The following GALNTL6 variants were observed in gnomAD, a reference collection of about 807,000 sequenced individuals.
GALNTL6 encodes the protein polypeptide N-acetylgalactosaminyltransferase like 6, also known as polypeptide N-acetylgalactosaminyltransferase-like 6.
Under a neutral mutation model 73.7 loss-of-function variants are expected in GALNTL6, and 46 were observed. The ratio of observed to expected loss-of-function variants is 0.62; its 90% CI spans 0.49 to 0.80. The LOEUF (loss-of-function observed/expected upper bound fraction) is 0.80, where lower values mean the gene tolerates loss of function less well. GALNTL6 is among the 30% of genes least tolerant of loss of function. The pLI is 0.00. For missense variants in GALNTL6, 604 were observed against 755.0 expected (o/e 0.80, Z 2.34); for synonymous variants, 259 against 263.7 (o/e 0.98, Z 0.17).
chr4:172,111,650 T>C (rs1418485976), intron 2 of GALNTL6, among the ~76,000 whole-genome samples: 1 of 152,100 alleles, frequency 6.6e-6, no homozygotes, highest in South Asian at 2.1e-4. Context: ...GAAATTGCAT[T>C]TTTACAACTA....
At chr4:171,964,174 C>CTTCT (rs1553976162) in intron 2 of GALNTL6, among the ~76,000 whole-genome samples, 1 of 148,156 alleles carries the variant, frequency 6.7e-6, no homozygotes, top group Non-Finnish European at 1.5e-5. Flanking sequence ...GTAAGCAATA[C>CTTCT]TTTTTTTTTT....
At chr4:171,974,000 TTTTA>T (rs1228218861) in intron 2 of GALNTL6, among the ~76,000 whole-genome samples, 3 of 152,036 alleles carry the variant, frequency 2.0e-5, no homozygotes, top group East Asian at 1.9e-4. Context: ...GTTTGTTTTA[TTTTA>T]TTTATTTATT....
At chr4:172,108,656 C>T (rs531450910) in intron 2 of GALNTL6, among the ~76,000 whole-genome samples, 4 of 152,104 alleles carry the variant, frequency 2.6e-5, no homozygotes, top group Admixed American at 6.5e-5. Context: ...CCTTGTGGTT[C>T]GATCAAGTTG....
intron 12 of GALNTL6, among the ~76,000 whole-genome samples, chr4:173,033,674 A>G (rs1266555425): frequency 6.6e-6 from 1 of 152,182 alleles, no homozygotes; most frequent in Non-Finnish European, 1.5e-5. Flanking sequence ...AATCACTGAC[A>G]AACTAAGTGA....
intron 5 of GALNTL6, among the ~76,000 whole-genome samples, chr4:172,770,265 C>CAATA (rs146415769): frequency 0.47 from 66,562 of 141,046 alleles, 16,330 homozygotes; most frequent in African/African-American, 0.58. Context: ...GACTCCATCT[C>CAATA]AATAAATAAA....
intron 4 of GALNTL6, among the ~76,000 whole-genome samples, chr4:172,314,631 A>G (rs559246985): frequency 1.8e-4 from 18 of 102,630 alleles, no homozygotes; most frequent in Non-Finnish European, 2.8e-4. Flanking sequence ...TTTTTGAGGC[A>G]GAGTCTCCCT....
intron 4 of GALNTL6, among the ~76,000 whole-genome samples, chr4:172,315,222 T>A (rs1280063097): frequency 6.6e-6 from 1 of 152,148 alleles, no homozygotes. Context: ...AAATTTTTAA[T>A]CTTTTTTTAT....
At chr4:172,930,790 A>T (rs773646507) in intron 8 of GALNTL6, among the ~76,000 whole-genome samples, 1 of 152,052 alleles carries the variant, frequency 6.6e-6, no homozygotes, top group Non-Finnish European at 1.5e-5. Context: ...TCAGCCTCCC[A>T]AGTAGCTGGG....
chr4:171,895,391 A>T (rs1414116921), intron 2 of GALNTL6, among the ~76,000 whole-genome samples: 1 of 152,130 alleles, frequency 6.6e-6, no homozygotes, highest in African/African-American at 2.4e-5. Context: ...GAGTAGGGGG[A>T]GGGGAGTATC....
At chr4:172,875,183 G>A (rs1252505542) in intron 7 of GALNTL6, among the ~76,000 whole-genome samples, 2 of 152,178 alleles carry the variant, frequency 1.3e-5, no homozygotes, top group African/African-American at 4.8e-5. Flanking sequence ...TTGTCATCTG[G>A]CTATTAATGT....
chr4:172,879,703 T>G (rs1220388557), intron 7 of GALNTL6, among the ~76,000 whole-genome samples: 2 of 151,782 alleles, frequency 1.3e-5, no homozygotes, highest in African/African-American at 4.8e-5. Flanking sequence ...GTTTCCACCT[T>G]AAATAACCAG....
At chr4:172,081,190 A>G (rs545049066) in intron 2 of GALNTL6, among the ~76,000 whole-genome samples, 36 of 152,384 alleles carry the variant, frequency 2.4e-4, no homozygotes, top group African/African-American at 7.5e-4. Flanking sequence ...AGGGCATATA[A>G]TGGAGAGTGA....
At chr4:171,894,481 C>T (rs749972221) in intron 2 of GALNTL6, among the ~76,000 whole-genome samples, 13 of 152,076 alleles carry the variant, frequency 8.5e-5, no homozygotes, top group Non-Finnish European at 1.6e-4. Flanking sequence ...ATTCTTTTTA[C>T]AATATAATTA....
intron 5 of GALNTL6, among the ~76,000 whole-genome samples, chr4:172,739,432 C>G (rs1230772766): frequency 1.3e-5 from 2 of 152,082 alleles, no homozygotes; most frequent in Non-Finnish European, 2.9e-5. Context: ...AAAGCTGATA[C>G]CGAGTAGTAA....
intron 2 of GALNTL6, among the ~76,000 whole-genome samples, chr4:171,887,445 A>G (rs1238137055): frequency 6.6e-6 from 1 of 152,240 alleles, no homozygotes; most frequent in African/African-American, 2.4e-5. Flanking sequence ...AGAGAAGTAT[A>G]GAATAAAAAG....
chr4:172,270,626 T>C (rs1738611250), intron 3 of GALNTL6, among the ~76,000 whole-genome samples: 1 of 152,050 alleles, frequency 6.6e-6, no homozygotes, highest in Non-Finnish European at 1.5e-5. Context: ...GCTGTGGGAA[T>C]AGGAGAAGGT....
chr4:172,962,449 C>T (rs905589942), intron 10 of GALNTL6, among the ~76,000 whole-genome samples: 2 of 152,118 alleles, frequency 1.3e-5, no homozygotes, highest in Non-Finnish European at 1.5e-5. Context: ...GGATCCAATC[C>T]AGTATCTGAA....
At chr4:172,395,301 G>A (rs1743810447) in intron 5 of GALNTL6, among the ~76,000 whole-genome samples, 1 of 152,050 alleles carries the variant, frequency 6.6e-6, no homozygotes, top group African/African-American at 2.4e-5. Flanking sequence ...TGTATTTATG[G>A]ACATTTACAA....
At chr4:172,517,940 G>C (rs1734659722) in intron 5 of GALNTL6, among the ~76,000 whole-genome samples, 1 of 151,910 alleles carries the variant, frequency 6.6e-6, no homozygotes, top group Non-Finnish European at 1.5e-5. Context: ...AGCAAGTTCT[G>C]GTTGATTCTT....
Sources: allele counts gnomAD v4.1 joint callset (sites outside exome capture counted in the v4.1 genomes callset), GRCh38; gene constraint gnomAD v4.1.1; transcripts MANE v1.5; gene names NCBI Gene and HGNC (gene_info 2026-07-23, HGNC 2026-07-21).